Variants in XPOT observed in about 807,000 individuals in gnomAD.
XPOT encodes exportin for tRNA.
In XPOT, 34 loss-of-function variants were observed where a neutral mutation model predicts 128.2. The ratio of observed to expected loss-of-function variants is 0.27; its 90% confidence interval spans 0.20 to 0.35. The LOEUF (loss-of-function observed/expected upper bound fraction) is 0.35, where lower values mean the gene tolerates loss of function less well. Among genes scored for constraint, XPOT ranks in the 10% least tolerant of loss-of-function variants. XPOT has a pLI of 1.00. For synonymous variants in XPOT, 348 were observed against 394.3 expected, an observed-to-expected ratio of 0.88 and a Z score of 1.39; for missense variants, 838 against 1,125.3, an observed-to-expected ratio of 0.74 and a Z score of 3.65.
intron 1 of XPOT, among the ~76,000 whole-genome samples, chr12:64,408,576 T>G (rs187809501): frequency 3.9e-5 from 6 of 152,342 alleles, no homozygotes. Flanking sequence ...TTGAGAATGT[T>G]GGAACCTATA....
At chr12:64,406,078 ACTTTTT>A (rs1241074828) in intron 1 of XPOT, among the ~76,000 whole-genome samples, 1 of 151,596 alleles carries the variant, frequency 6.6e-6, no homozygotes, top group Admixed American at 6.6e-5. Flanking sequence ...AAGCTTAAGC[ACTTTTT>A]CTTTTTTTTG....
chr12:64,424,798 C>G, intron 12 of XPOT, 75 bp downstream of exon 12: 1 of 1,537,924 alleles, frequency 6.5e-7, no homozygotes, highest in Non-Finnish European at 8.9e-7. Context: ...ATAAATGATT[C>G]ATATGACTTA....
At chr12:64,406,234 C>T (rs544997872) in intron 1 of XPOT, among the ~76,000 whole-genome samples, 1 of 151,958 alleles carries the variant, frequency 6.6e-6, no homozygotes, top group East Asian at 1.9e-4. Flanking sequence ...GGCCACCATG[C>T]CCAGCTAATT....
At chr12:64,405,577 C>G (rs1181417239) in intron 1 of XPOT, among the ~76,000 whole-genome samples, 1 of 152,166 alleles carries the variant, frequency 6.6e-6, no homozygotes, top group Admixed American at 6.5e-5. Flanking sequence ...AGAACCTTTG[C>G]AAGATGCATA....
chr12:64,414,780 T>C, intron 2 of XPOT, 127 bp from the exon 3 acceptor site: 2 of 593,330 alleles, frequency 3.4e-6, no homozygotes, highest in Non-Finnish European at 6.1e-6. Context: ...ATTTAATGTT[T>C]TAACTGTTTT....
At chr12:64,416,218 A>G (rs1192179841) in intron 3 of XPOT, among the ~76,000 whole-genome samples, 1 of 152,248 alleles carries the variant, frequency 6.6e-6, no homozygotes, top group Non-Finnish European at 1.5e-5. Flanking sequence ...TTGGACTGAC[A>G]GTCCATGTGG....
At chr12:64,419,484 AT>A (rs1288414178) in intron 6 of XPOT, among the ~76,000 whole-genome samples, 1 of 151,930 alleles carries the variant, frequency 6.6e-6, no homozygotes, top group African/African-American at 2.4e-5. Context: ...CGCCTGGCTA[AT>A]TTTTGTATTT....
intron 17 of XPOT, among the ~76,000 whole-genome samples, chr12:64,431,021 T>C (rs1307034903): frequency 6.6e-6 from 1 of 152,188 alleles, no homozygotes; most frequent in Non-Finnish European, 1.5e-5. Flanking sequence ...CTCAGCTCAG[T>C]GCAACCTCCG....
At chr12:64,410,760 C>T (rs1029000281) in intron 2 of XPOT, among the ~76,000 whole-genome samples, 1 of 151,960 alleles carries the variant, frequency 6.6e-6, no homozygotes, top group African/African-American at 2.4e-5. Context: ...TAAATGTAAA[C>T]AATTAAATAT....
At chr12:64,441,801 G>A (rs1201148599) in intron 23 of XPOT, among the ~76,000 whole-genome samples, 1 of 151,890 alleles carries the variant, frequency 6.6e-6, no homozygotes, top group African/African-American at 2.4e-5. Context: ...TGATTCTGGT[G>A]GCTCAGCTTC....
At position 64,428,692 on chromosome 12, in the gene XPOT, T is replaced by C. The variant is rs187949572; in HGVS notation, c.1737+572T>C. 2.0e-5 allele frequency among the ~76,000 whole-genome samples: 3 copies of C among 152,266 alleles called. No homozygotes were observed. The East Asian group carries it at 5.8e-4, about 29-fold the overall frequency. On this transcript the variant is annotated intron_variant, in intron 16 of 24. Coordinates refer to ENST00000332707, the MANE Select transcript of XPOT (RefSeq NM_007235.6). ...GATCAAAATCTTAAAAATATAATCC[T>C]GGAAAAAGTAATTTTAAAAAATTAT...
intron 1 of XPOT, among the ~76,000 whole-genome samples, chr12:64,406,630 C>T (rs934623181): frequency 6.6e-6 from 1 of 152,134 alleles, no homozygotes; most frequent in African/African-American, 2.4e-5. Context: ...CTCCCCTCGG[C>T]CTTCCTTAGT....
intron 3 of XPOT, 106 bp downstream of exon 3, chr12:64,415,095 CTTT>C (rs374865311): frequency 3.2e-4 from 179 of 559,078 alleles, no homozygotes; most frequent in South Asian, 5.4e-4. Context: ...CATTTTATGA[CTTT>C]TTTTTTTTTT....
chr12:64,435,058 A>G (rs970992961), intron 21 of XPOT, 149 bp downstream of exon 21: 42 of 656,444 alleles, frequency 6.4e-5, no homozygotes, highest in African/African-American at 3.3e-4. Flanking sequence ...GATTTATGAT[A>G]CCTTCTGGAG....
chr12:64,412,348 A>C (rs1386812401), intron 2 of XPOT, among the ~76,000 whole-genome samples: 3 of 151,480 alleles, frequency 2.0e-5, no homozygotes, highest in Non-Finnish European at 2.9e-5. Context: ...AAAATAAAAC[A>C]CTCGTCTTTG....
At chr12:64,441,734 G>T (rs1260408574) in intron 23 of XPOT, among the ~76,000 whole-genome samples, 1 of 152,100 alleles carries the variant, frequency 6.6e-6, no homozygotes, top group Non-Finnish European at 1.5e-5. Context: ...GCCCAGGCTG[G>T]AGTGCAGAGG....
intron 17 of XPOT, among the ~76,000 whole-genome samples, chr12:64,430,557 T>A (rs61504973): frequency 0.42 from 63,774 of 151,862 alleles, 15,925 homozygotes; most frequent in Non-Finnish European, 0.56. Flanking sequence ...TCAGCTGAAG[T>A]GTTAATATAC....
At chr12:64,426,275 G>C (rs1411792368) in intron 15 of XPOT, among the ~76,000 whole-genome samples, 13 of 147,954 alleles carry the variant, frequency 8.8e-5, no homozygotes, top group Non-Finnish European at 1.5e-4. Flanking sequence ...CTCCAGCCTG[G>C]GTGACAGCGT....
At position 64,423,225 on chromosome 12, in the gene XPOT, A is replaced by G; in HGVS notation, c.1163A>G (p.Glu388Gly). The G allele has an allele frequency of 6.3e-7, 1 of 1,583,578 alleles. No individual in the cohort carries two copies. Among genetic ancestry groups the G allele is most frequent in the Non-Finnish European group, 8.5e-7 (1 of 1,171,308 alleles). Residue 388 changes from glutamate to glycine, a missense_variant, in exon 11 of 25, where the codon GAA (glutamate) becomes GGA (glycine). This residue lies in a region of XPOT where 761 missense variants were observed against 988.3 expected (regional missense o/e 0.77). Transcript: ENST00000332707. Reference sequence around the variant, plus strand: ...ATGAAAAAATTGACTTACGATGAAGAATATAACTTTGAAAATGAGGTAAGA... The same window carrying G: ...ATGAAAAAATTGACTTACGATGAAGGATATAACTTTGAAAATGAGGTAAGA... ...AVMKKLTYDE[E>G]YNFENEGEDE...
Sources: allele counts gnomAD v4.1 joint callset (sites outside exome capture counted in the v4.1 genomes callset), GRCh38; gene constraint gnomAD v4.1.1; regional missense constraint gnomAD v4.1.1; transcripts MANE v1.5; gene names NCBI Gene and HGNC (gene_info 2026-07-23, HGNC 2026-07-21).